The following MACROD1 variants were observed in gnomAD, a reference collection of about 807,000 sequenced individuals.
MACROD1 encodes ADP-ribose glycohydrolase MACROD1.
Under a neutral mutation model 41.4 loss-of-function variants are expected in MACROD1, and 31 were observed. That is an observed-to-expected ratio of 0.75 (90% CI 0.56 to 1.01). MACROD1 has a LOEUF of 1.01. Among genes scored for constraint, MACROD1 ranks in the 50% least tolerant of loss-of-function variants. The probability of loss-of-function intolerance (pLI) is 0.00; values close to 1 mark genes in which losing one functional copy is unlikely to be tolerated. For synonymous variants in MACROD1, 252 were observed against 203.4 expected (o/e 1.24, Z -2.03); for missense variants, 473 against 460.0 (o/e 1.03, Z -0.26).
At chr11:64,016,123 T>A (rs1335069045) in intron 3 of MACROD1, among the ~76,000 whole-genome samples, 1 of 150,634 alleles carries the variant, frequency 6.6e-6, no homozygotes, top group African/African-American at 2.4e-5. Flanking sequence ...GGCTGCCACC[T>A]TCCTGCGCAC....
At chr11:64,044,555 A>G (rs1270365913) in intron 3 of MACROD1, among the ~76,000 whole-genome samples, 1 of 152,150 alleles carries the variant, frequency 6.6e-6, no homozygotes, top group Non-Finnish European at 1.5e-5. Flanking sequence ...CAACTTCTGA[A>G]GTAGGCACTA....
At position 64,106,631 on chromosome 11, in the gene MACROD1, G is replaced by A. The variant is rs541429189; in HGVS notation, c.517+44608C>T. On this transcript the variant is annotated intron_variant, in intron 3 of 10. Coordinates refer to ENST00000255681, the MANE Select transcript of MACROD1 (RefSeq NM_014067.4). ...GCCCAGTGCCAAGCCTCTGATCTAG[G>A]ATCAGTGAGTGTTGCCCATCACCAG... is the stretch of plus-strand genomic sequence containing the variant. Among the ~76,000 whole-genome samples, 3 of 152,312 alleles carry A rather than the reference G, an allele frequency of 2.0e-5. No homozygotes were observed. In the East Asian group the frequency reaches 5.8e-4, roughly 29 times the overall value.
intron 3 of MACROD1, among the ~76,000 whole-genome samples, chr11:64,029,337 C>T (rs946116476): frequency 1.1e-4 from 17 of 152,096 alleles, no homozygotes; most frequent in African/African-American, 2.7e-4. Context: ...AGGCATCTGG[C>T]GGCCGGCAGA....
intron 3 of MACROD1, chr11:64,148,967 G>A: frequency 2.0e-6 from 2 of 985,428 alleles, no homozygotes; most frequent in Non-Finnish European, 2.4e-6. Flanking sequence ...GGAAGCCCGT[G>A]TTCAGACCCT....
chr11:64,087,869 G>A (rs780012333), intron 3 of MACROD1, among the ~76,000 whole-genome samples: 6 of 152,260 alleles, frequency 3.9e-5, no homozygotes, highest in African/African-American at 1.4e-4. Context: ...GATGAAGGCA[G>A]TGGGTACACA....
At chr11:64,156,730 T>G (rs2845591) in intron 1 of MACROD1, among the ~76,000 whole-genome samples, 146,391 of 152,204 alleles carry the variant, frequency 0.96, 70,658 homozygotes, top group Middle Eastern at 1. Context: ...CCCACAGGAT[T>G]GCTCCACTTC....
At chr11:64,012,328 A>G (rs1290345349) in intron 4 of MACROD1, among the ~76,000 whole-genome samples, 1 of 152,218 alleles carries the variant, frequency 6.6e-6, no homozygotes. Context: ...GGTTTCCACC[A>G]GCTGCCCTTG....
intron 3 of MACROD1, among the ~76,000 whole-genome samples, chr11:64,020,269 C>A (rs1407777066): frequency 6.6e-6 from 1 of 152,154 alleles, no homozygotes; most frequent in Non-Finnish European, 1.5e-5. Flanking sequence ...CTTTCCCTGT[C>A]TGGAAGACGT....
intron 4 of MACROD1, among the ~76,000 whole-genome samples, chr11:64,007,766 C>T (rs908161835): frequency 6.6e-6 from 1 of 152,172 alleles, no homozygotes; most frequent in African/African-American, 2.4e-5. Flanking sequence ...GCACGCCCAC[C>T]CTGCACACAC....
chr11:64,052,163 A>G (rs1272511283), intron 3 of MACROD1, among the ~76,000 whole-genome samples: 2 of 151,948 alleles, frequency 1.3e-5, no homozygotes, highest in African/African-American at 4.8e-5. Context: ...ATGGCTCCCA[A>G]CAAGGCACCC....
At chr11:64,054,987 C>T (rs1044917383) in intron 3 of MACROD1, among the ~76,000 whole-genome samples, 5 of 152,208 alleles carry the variant, frequency 3.3e-5, no homozygotes, top group Non-Finnish European at 7.3e-5. Context: ...CCCTTTCCTA[C>T]CGCCACTACC....
intron 3 of MACROD1, chr11:64,060,277 G>A (rs1943874973): frequency 6.6e-6 from 1 of 152,216 alleles, no homozygotes; most frequent in South Asian, 2.1e-4. Flanking sequence ...TCCGGGAGCG[G>A]CGGGAGGTCT....
intron 3 of MACROD1, among the ~76,000 whole-genome samples, chr11:64,109,500 G>T (rs547372590): frequency 4.6e-5 from 7 of 152,312 alleles, no homozygotes; most frequent in African/African-American, 1.4e-4. Flanking sequence ...GGGCTGCAGA[G>T]GGGGTGGAAA....
intron 3 of MACROD1, among the ~76,000 whole-genome samples, chr11:64,039,966 C>T (rs927291622): frequency 1.3e-5 from 2 of 152,262 alleles, no homozygotes; most frequent in African/African-American, 4.8e-5. Context: ...GCTCCTCTGG[C>T]ACGCCTGGCT....
chr11:64,037,092 G>A (rs1056303067), intron 3 of MACROD1, among the ~76,000 whole-genome samples: 7 of 152,272 alleles, frequency 4.6e-5, no homozygotes, highest in African/African-American at 1.7e-4. Flanking sequence ...CCAGGCCCCC[G>A]AGGCCCAAGC....
chr11:64,096,410 T>C lies in MACROD1; in HGVS notation c.517+54829A>G, dbSNP rs1356222053. ...GAGCTGGCAGGCAAGTGGTCGTTCC[T>C]GTCCCCTCTTTTTTTTTTTTGAGAC... is the stretch of plus-strand genomic sequence containing the variant. On this transcript the variant is annotated intron_variant, in intron 3 of 10. Transcript: ENST00000255681. This position sits in a 1 kb window ranked among gnomAD's most constrained non-coding sequence, Gnocchi z 4.6. 6.0e-5 allele frequency among the ~76,000 whole-genome samples: 9 copies of C among 150,700 alleles called. No individual in the cohort carries two copies. The highest frequency in any genetic ancestry group is 1.9e-4 in the East Asian group (1 of 5,144).
intron 3 of MACROD1, among the ~76,000 whole-genome samples, chr11:64,089,130 G>T (rs545079401): frequency 6.6e-6 from 1 of 152,326 alleles, no homozygotes; most frequent in Admixed American, 6.5e-5. Flanking sequence ...AGGAGCCCAG[G>T]AGCCCGCTGG....
chr11:64,013,017 A>G (rs1943036042), intron 4 of MACROD1, among the ~76,000 whole-genome samples: 1 of 151,608 alleles, frequency 6.6e-6, no homozygotes, highest in South Asian at 2.1e-4. Context: ...TTTTGTAGAG[A>G]TGGGGTCTTA....
intron 1 of MACROD1, among the ~76,000 whole-genome samples, chr11:64,159,149 G>C (rs1293209084): frequency 6.6e-6 from 1 of 151,928 alleles, no homozygotes; most frequent in African/African-American, 2.4e-5. Context: ...GTGAAACCCT[G>C]TCTCTACTAA....
Sources: gnomAD v4.1 joint callset for allele counts (sites outside exome capture counted in the v4.1 genomes callset) on GRCh38, gnomAD v4.1.1 for gene constraint, Gnocchi (gnomAD v3.1) non-coding constraint, MANE v1.5 for transcripts, NCBI Gene and HGNC (gene_info 2026-07-23, HGNC 2026-07-21) for gene names.